Variants in RGS7 observed in about 807,000 individuals in gnomAD.
RGS7 encodes the protein regulator of G protein signaling 7.
Under a neutral mutation model 81.1 loss-of-function variants are expected in RGS7, and 27 were observed. That is an observed-to-expected ratio of 0.33 (90% CI 0.25 to 0.46). The LOEUF (loss-of-function observed/expected upper bound fraction) is 0.46, where lower values mean the gene tolerates loss of function less well. Among genes scored for constraint, RGS7 ranks in the 20% least tolerant of loss-of-function variants. The pLI is 1.00. For missense variants in RGS7, 396 were observed against 607.4 expected (o/e 0.65, Z 3.66); for synonymous variants, 208 against 207.7 (o/e 1.00, Z -0.01).
intron 2 of RGS7, among the ~76,000 whole-genome samples, chr1:241,154,249 C>T (rs1370185194): frequency 6.6e-6 from 1 of 152,074 alleles, no homozygotes; most frequent in Non-Finnish European, 1.5e-5. Context: ...TAGGTCTGGT[C>T]TGTGAAGATG....
intron 2 of RGS7, among the ~76,000 whole-genome samples, chr1:241,349,654 C>T (rs938566449): frequency 1.3e-5 from 2 of 152,192 alleles, no homozygotes; most frequent in African/African-American, 4.8e-5. Flanking sequence ...CGGAACTGGG[C>T]ACCCACTCTA....
chr1:241,022,775 T>C (rs1230504895), intron 3 of RGS7, among the ~76,000 whole-genome samples: 1 of 152,130 alleles, frequency 6.6e-6, no homozygotes, highest in African/African-American at 2.4e-5. Context: ...AGCTCTTCCT[T>C]TACTGTAATG....
intron 3 of RGS7, among the ~76,000 whole-genome samples, chr1:241,070,406 G>A (rs1310497446): frequency 2.6e-5 from 4 of 151,144 alleles, no homozygotes; most frequent in South Asian, 2.1e-4. Context: ...TTTCACTTTC[G>A]TAAGGTGGGG....
intron 3 of RGS7, among the ~76,000 whole-genome samples, chr1:241,062,883 G>A (rs886721343): frequency 3.3e-5 from 5 of 152,036 alleles, no homozygotes; most frequent in African/African-American, 7.2e-5. Flanking sequence ...GTTTTACTTC[G>A]TTAACTCTTC....
chr1:240,883,448 G>A (rs544202953), intron 6 of RGS7, among the ~76,000 whole-genome samples: 1 of 152,074 alleles, frequency 6.6e-6, no homozygotes, highest in Non-Finnish European at 1.5e-5. Flanking sequence ...AAGGTGTGAC[G>A]GATACTCTCT....
intron 4 of RGS7, among the ~76,000 whole-genome samples, chr1:240,963,092 A>G (rs1056130061): frequency 5.3e-5 from 8 of 152,148 alleles, no homozygotes; most frequent in African/African-American, 1.9e-4. Context: ...TGAGGTAGAA[A>G]ACAGTGGCAG....
chr1:241,088,683 T>C (rs1354708379), intron 3 of RGS7, among the ~76,000 whole-genome samples: 8 of 152,046 alleles, frequency 5.3e-5, no homozygotes, highest in Non-Finnish European at 1.2e-4. Flanking sequence ...CCTCTGAAAA[T>C]GTGTATGTTT....
intron 3 of RGS7, among the ~76,000 whole-genome samples, chr1:241,010,494 T>C (rs2058904493): frequency 1.3e-5 from 2 of 152,236 alleles, no homozygotes; most frequent in South Asian, 2.1e-4. Context: ...GATCTCTCCC[T>C]GACACATTCA....
intron 3 of RGS7, among the ~76,000 whole-genome samples, chr1:241,038,369 C>A (rs1458334038): frequency 6.6e-6 from 1 of 152,086 alleles, no homozygotes; most frequent in Non-Finnish European, 1.5e-5. Context: ...TTCAGCCCTG[C>A]AACAAAGACT....
At chr1:241,342,722 G>C (rs1196470501) in intron 2 of RGS7, among the ~76,000 whole-genome samples, 1 of 152,184 alleles carries the variant, frequency 6.6e-6, no homozygotes, top group Non-Finnish European at 1.5e-5. Flanking sequence ...TTTTAAAGCT[G>C]ATAGATTGTC....
At chr1:241,199,491 T>A (rs2073337340) in intron 2 of RGS7, among the ~76,000 whole-genome samples, 1 of 152,034 alleles carries the variant, frequency 6.6e-6, no homozygotes, top group South Asian at 2.1e-4. Context: ...TTATACAGAA[T>A]GGTAAAATAT....
At chr1:241,298,596 G>C (rs747420053) in intron 2 of RGS7, among the ~76,000 whole-genome samples, 11 of 151,954 alleles carry the variant, frequency 7.2e-5, no homozygotes, top group Non-Finnish European at 1.6e-4. Flanking sequence ...TGTACCCTCG[G>C]GTATGATTAT....
intron 4 of RGS7, among the ~76,000 whole-genome samples, chr1:240,975,769 T>G (rs541025747): frequency 1.3e-5 from 2 of 152,254 alleles, no homozygotes; most frequent in Admixed American, 6.5e-5. Flanking sequence ...AATAAATCTG[T>G]TCTGGAAGAT....
intron 2 of RGS7, among the ~76,000 whole-genome samples, chr1:241,246,227 C>T (rs746879757): frequency 1.4e-4 from 21 of 151,948 alleles, no homozygotes; most frequent in South Asian, 4.2e-4. Context: ...CCAAAAATAG[C>T]AGGAAAGGTA....
intron 9 of RGS7, among the ~76,000 whole-genome samples, chr1:240,854,732 T>G (rs750766326): frequency 6.6e-6 from 1 of 152,234 alleles, no homozygotes; most frequent in Non-Finnish European, 1.5e-5. Flanking sequence ...TGAAGACAGA[T>G]GAGTAACAGC....
chr1:241,029,267 T>C (rs2059949741), intron 3 of RGS7, among the ~76,000 whole-genome samples: 1 of 152,184 alleles, frequency 6.6e-6, no homozygotes, highest in Non-Finnish European at 1.5e-5. Flanking sequence ...ACACCCACTT[T>C]CTTTTAGCTT....
intron 2 of RGS7, among the ~76,000 whole-genome samples, chr1:241,293,153 T>C (rs2079183507): frequency 6.6e-6 from 1 of 152,196 alleles, no homozygotes; most frequent in Non-Finnish European, 1.5e-5. Flanking sequence ...GCTGAAAATT[T>C]CCTATCGCCT....
chr1:240,925,574 G>A (rs189732659), intron 6 of RGS7, among the ~76,000 whole-genome samples: 24 of 152,152 alleles, frequency 1.6e-4, no homozygotes, highest in African/African-American at 2.7e-4. Context: ...TGTGAATATC[G>A]CTGTGATGAA....
At chr1:241,243,847 A>G (rs1440557323) in intron 2 of RGS7, among the ~76,000 whole-genome samples, 1 of 152,212 alleles carries the variant, frequency 6.6e-6, no homozygotes, top group Non-Finnish European at 1.5e-5. Flanking sequence ...TGCAAGAAGT[A>G]AACACTTGAT....
Sources: gnomAD v4.1 joint callset for allele counts (sites outside exome capture counted in the v4.1 genomes callset) on GRCh38, gnomAD v4.1.1 for gene constraint, MANE v1.5 for transcripts, NCBI Gene and HGNC (gene_info 2026-07-23, HGNC 2026-07-21) for gene names.